The following FAM193A variants were observed in gnomAD, a reference collection of about 807,000 sequenced individuals.
The protein encoded by FAM193A is protein FAM193A.
FAM193A carries 22 observed loss-of-function variants against 126.5 expected under a neutral mutation model. The ratio of observed to expected loss-of-function variants is 0.17; its 90% CI spans 0.12 to 0.25. The LOEUF (loss-of-function observed/expected upper bound fraction) is 0.25. Ranked by LOEUF, FAM193A falls within the 10% of genes least tolerant of loss-of-function variation. The pLI is 1.00. For synonymous variants in FAM193A, 761 were observed against 646.8 expected, an observed-to-expected ratio of 1.18 and a Z score of -2.68; for missense variants, 1,675 against 1,672.8, an observed-to-expected ratio of 1.00 and a Z score of -0.02.
rs1403030362 is a variant in FAM193A, at chr4:2,662,848, G to A, written c.1756G>A (p.Asp586Asn). The A allele has an allele frequency of 6.2e-7, 1 of 1,609,442 alleles. No individual in the cohort carries two copies. The highest frequency in any genetic ancestry group is 1.1e-5 in the South Asian group (1 of 90,996). Residue 586 changes from aspartate (D) to asparagine (N), a missense_variant, in exon 11 of 21, where the codon GAT (aspartate) becomes AAT (asparagine). Physicochemically the swap from Asp to Asn is conservative, Grantham distance 23. Around this residue, in one of 4 missense-constraint regions of FAM193A, gnomAD observed 1,186 missense variants for 1,109.2 expected, o/e 1.07. Transcript: ENST00000637812. ...SGSAPTFCSDDEDVAPLSAKF... is the reference protein window; with the variant it reads ...SGSAPTFCSDNEDVAPLSAKF... ...CTCTGCTTGTGTCAGTTGTAGTGAT[G>A]ATGAAGATGTTGCACCATTGTCAGC...
intron 16 of FAM193A, 24 bp from the exon 17 acceptor site, chr4:2,694,922 A>G: frequency 6.4e-7 from 1 of 1,563,586 alleles, no homozygotes; most frequent in Non-Finnish European, 8.6e-7. Context: ...CCACTTGCTG[A>G]TGAGCTTGTA....
At chr4:2,621,000 C>T (rs1742514912) in intron 2 of FAM193A, among the ~76,000 whole-genome samples, 1 of 152,058 alleles carries the variant, frequency 6.6e-6, no homozygotes, top group Admixed American at 6.6e-5. Flanking sequence ...GGAAGAGGCC[C>T]TGACATGGAG....
intron 13 of FAM193A, among the ~76,000 whole-genome samples, chr4:2,677,161 C>A (rs1240295611): frequency 1.3e-5 from 2 of 152,108 alleles, no homozygotes; most frequent in Non-Finnish European, 2.9e-5. Flanking sequence ...CATTCTTTTG[C>A]ATGTGGATAT....
intron 1 of FAM193A, among the ~76,000 whole-genome samples, chr4:2,590,887 C>T (rs1001449435): frequency 7.2e-5 from 11 of 151,836 alleles, no homozygotes; most frequent in Admixed American, 5.3e-4. Flanking sequence ...ATTAACCAGG[C>T]GTGGTGGCGC....
At chr4:2,570,403 C>G (rs1177419965) in intron 1 of FAM193A, among the ~76,000 whole-genome samples, 1 of 152,164 alleles carries the variant, frequency 6.6e-6, no homozygotes, top group Non-Finnish European at 1.5e-5. Flanking sequence ...AGAAGCAACT[C>G]TAAATCGCTG....
intron 5 of FAM193A, among the ~76,000 whole-genome samples, chr4:2,637,039 T>C (rs939965744): frequency 1.1e-4 from 17 of 152,130 alleles, no homozygotes; most frequent in African/African-American, 3.1e-4. Context: ...TAAAGTAAAA[T>C]TGGGGGAGTG....
At chr4:2,537,326 G>A (rs1369570033) in intron 1 of FAM193A, among the ~76,000 whole-genome samples, 156 bp downstream of exon 1, 1 of 152,278 alleles carries the variant, frequency 6.6e-6, no homozygotes, top group East Asian at 1.9e-4. Context: ...GCTTGCCGAG[G>A]TCCCGGGGCA....
chr4:2,542,912 T>A (rs1219970620), intron 1 of FAM193A, among the ~76,000 whole-genome samples: 1 of 152,088 alleles, frequency 6.6e-6, no homozygotes, highest in African/African-American at 2.4e-5. Flanking sequence ...AGAGGGTGTT[T>A]CTGCATGTGG....
chr4:2,612,230 C>T (rs1019939969), intron 2 of FAM193A, among the ~76,000 whole-genome samples: 1 of 151,404 alleles, frequency 6.6e-6, no homozygotes, highest in Non-Finnish European at 1.5e-5. Flanking sequence ...CTGGCCGGGC[C>T]GTGGCTCACG....
At chr4:2,608,227 G>T (rs2108936083) in intron 2 of FAM193A, 1 of 1,014,918 alleles carries the variant, frequency 9.9e-7, no homozygotes, top group East Asian at 2.7e-5. Context: ...CGCCCAGTAT[G>T]GAGTGCAGTG....
intron 2 of FAM193A, among the ~76,000 whole-genome samples, chr4:2,617,774 C>T (rs923147858): frequency 6.6e-6 from 1 of 152,126 alleles, no homozygotes; most frequent in Non-Finnish European, 1.5e-5. Context: ...GTGTGTTTTT[C>T]TTACATGTAT....
chr4:2,558,561 T>TG (rs915012623), intron 1 of FAM193A, among the ~76,000 whole-genome samples: 7 of 152,062 alleles, frequency 4.6e-5, no homozygotes, highest in African/African-American at 1.2e-4. Context: ...AAAATTTTTC[T>TG]GGGGGGGATG....
At chr4:2,724,203 C>T (rs1200831170) in intron 20 of FAM193A, among the ~76,000 whole-genome samples, 1 of 152,186 alleles carries the variant, frequency 6.6e-6, no homozygotes, top group Non-Finnish European at 1.5e-5. Flanking sequence ...GCTTTGACCA[C>T]ACAGGATTTC....
chr4:2,603,166 A>G (rs932141060), intron 2 of FAM193A, among the ~76,000 whole-genome samples: 4 of 146,710 alleles, frequency 2.7e-5, no homozygotes, highest in African/African-American at 7.7e-5. Flanking sequence ...GTATATATAT[A>G]TATTTTTTAG....
chr4:2,587,592 T>G (rs1324936375), intron 1 of FAM193A, among the ~76,000 whole-genome samples: 4 of 152,152 alleles, frequency 2.6e-5, no homozygotes, highest in Admixed American at 2.0e-4. Flanking sequence ...CTTGGCAGAC[T>G]GAGGCAGGAG....
intron 20 of FAM193A, among the ~76,000 whole-genome samples, chr4:2,730,647 G>A (rs1721269421): frequency 6.6e-6 from 1 of 151,462 alleles, no homozygotes; most frequent in Non-Finnish European, 1.5e-5. Context: ...CCGAGATCAC[G>A]CCACTGCACT....
intron 5 of FAM193A, among the ~76,000 whole-genome samples, chr4:2,635,567 T>C (rs1290329068): frequency 6.6e-6 from 1 of 152,122 alleles, no homozygotes. Context: ...AAATAAAACA[T>C]TGTTGCCCAG....
At chr4:2,668,536 A>G (rs1403425584) in intron 12 of FAM193A, among the ~76,000 whole-genome samples, 4 of 152,064 alleles carry the variant, frequency 2.6e-5, no homozygotes, top group South Asian at 2.1e-4. Flanking sequence ...ATTTATCACA[A>G]TCTACTCCAG....
intron 12 of FAM193A, among the ~76,000 whole-genome samples, chr4:2,665,927 A>G (rs1257323072): frequency 1.3e-5 from 2 of 152,120 alleles, no homozygotes; most frequent in Non-Finnish European, 2.9e-5. Context: ...GCTCACGGCA[A>G]GCTCTGCCTC....
Sources: allele counts gnomAD v4.1 joint callset (sites outside exome capture counted in the v4.1 genomes callset), GRCh38; gene constraint gnomAD v4.1.1; regional missense constraint gnomAD v4.1.1; transcripts MANE v1.5; gene names NCBI Gene and HGNC (gene_info 2026-07-23, HGNC 2026-07-21).